STIM2: variants seen among roughly 807,000 people sequenced by gnomAD.
STIM2 encodes the protein stromal interaction molecule 2.
A neutral mutation model predicts 85.8 loss-of-function variants in STIM2; 31 were observed. That is an observed-to-expected ratio of 0.36 (90% CI 0.27 to 0.49). The LOEUF (loss-of-function observed/expected upper bound fraction) is 0.49, where lower values mean the gene tolerates loss of function less well. STIM2 is among the 20% of genes least tolerant of loss of function. The pLI, the probability that STIM2 is intolerant of heterozygous loss-of-function variation, is 0.98. For synonymous variants in STIM2, 356 were observed against 331.1 expected (o/e 1.08, Z -0.82); for missense variants, 841 against 927.6 (o/e 0.91, Z 1.21).
At chr4:27,018,125 C>A in intron 11 of STIM2, 141 bp downstream of exon 11, 4 of 1,252,616 alleles carry the variant, frequency 3.2e-6, no homozygotes, top group Non-Finnish European at 4.5e-6. Context: ...CCTCAGACAT[C>A]ACCCATTTTT....
At chr4:26,961,332 T>TA (rs568507041) in intron 3 of STIM2, among the ~76,000 whole-genome samples, 60 of 152,320 alleles carry the variant, frequency 3.9e-4, no homozygotes, top group African/African-American at 1.4e-3. Context: ...ATCCATTTGA[T>TA]AATTACTTGG....
At chr4:26,862,587 A>C (rs1378008809) in intron 1 of STIM2, among the ~76,000 whole-genome samples, 1 of 152,212 alleles carries the variant, frequency 6.6e-6, no homozygotes, top group African/African-American at 2.4e-5. Flanking sequence ...GTAAACTTTA[A>C]AAGCTTTGGA....
intron 3 of STIM2, among the ~76,000 whole-genome samples, chr4:26,982,728 C>G (rs1727445863): frequency 6.6e-6 from 1 of 152,114 alleles, no homozygotes; most frequent in Non-Finnish European, 1.5e-5. Context: ...TATTGTTGTT[C>G]CCAGACCTCA....
At chr4:27,017,423 T>C (rs990267733) in intron 10 of STIM2, among the ~76,000 whole-genome samples, 18 of 152,222 alleles carry the variant, frequency 1.2e-4, no homozygotes, top group Admixed American at 3.9e-4. Context: ...TTTGTTGTCT[T>C]AGGTAAATTT....
At chr4:26,871,150 TA>T (rs1722596773) in intron 1 of STIM2, among the ~76,000 whole-genome samples, 1 of 152,226 alleles carries the variant, frequency 6.6e-6, no homozygotes, top group Non-Finnish European at 1.5e-5. Context: ...ATGTGGGATT[TA>T]AATTTTTGCC....
intron 3 of STIM2, among the ~76,000 whole-genome samples, chr4:26,976,124 G>A (rs7676952): frequency 1.2e-3 from 179 of 152,286 alleles, no homozygotes; most frequent in African/African-American, 4.1e-3. Flanking sequence ...ATTTGGGCGG[G>A]AGTGTTCCGA....
chr4:26,930,122 C>T (rs968862113), intron 2 of STIM2, among the ~76,000 whole-genome samples: 1 of 152,114 alleles, frequency 6.6e-6, no homozygotes. Flanking sequence ...TCAATGTGTG[C>T]AGAATCTGTG....
chr4:26,912,971 C>T (rs1724397467), intron 1 of STIM2, among the ~76,000 whole-genome samples: 1 of 152,124 alleles, frequency 6.6e-6, no homozygotes, highest in Non-Finnish European at 1.5e-5. Flanking sequence ...CCACAACACC[C>T]CCGCCATTGA....
Position 27,002,935 on chromosome 4 carries a change from A to C in STIM2, c.812A>C (p.Lys271Thr). ...TTTTATTGTTCTATAAGGCTTGAAA[A>C]GGCACAGGAAGAAAACAGAAATGTT... The change falls in exon 7 of 12, where the codon AAG becomes ACG. Residue 271 changes from lysine to threonine, a missense_variant. Physicochemically the swap from Lys to Thr is moderately conservative, Grantham distance 78 (BLOSUM62 -1). This residue lies in a region of STIM2 where 408 missense variants were observed against 525.4 expected (regional missense o/e 0.78). Coordinates refer to ENST00000467087, the MANE Select transcript of STIM2 (RefSeq NM_020860.4). The C allele has an allele frequency of 6.4e-7, 1 of 1,559,398 alleles. No homozygotes were observed. Among genetic ancestry groups the C allele is most frequent in the Non-Finnish European group, 8.6e-7 (1 of 1,160,994 alleles).
intron 1 of STIM2, among the ~76,000 whole-genome samples, chr4:26,865,760 C>A (rs1266719373): frequency 6.6e-6 from 1 of 151,866 alleles, no homozygotes; most frequent in Non-Finnish European, 1.5e-5. Flanking sequence ...CTGAATTGAT[C>A]AGATTTTATT....
intron 10 of STIM2, among the ~76,000 whole-genome samples, chr4:27,013,537 A>G (rs1728632932): frequency 6.6e-6 from 1 of 151,974 alleles, no homozygotes; most frequent in African/African-American, 2.4e-5. Flanking sequence ...AGAGGCAGCA[A>G]TATAAAGTAG....
At chr4:26,964,773 G>A (rs1726644915) in intron 3 of STIM2, among the ~76,000 whole-genome samples, 1 of 152,166 alleles carries the variant, frequency 6.6e-6, no homozygotes, top group Non-Finnish European at 1.5e-5. Context: ...GTTGGAGAAA[G>A]ATCTTTTAAC....
intron 3 of STIM2, among the ~76,000 whole-genome samples, chr4:26,983,174 A>T (rs1008103422): frequency 2.0e-5 from 3 of 152,242 alleles, no homozygotes; most frequent in African/African-American, 7.2e-5. Context: ...ATCGGAATGC[A>T]CACTATCCAG....
At chr4:26,953,768 CTGTT>C (rs1238599630) in intron 2 of STIM2, among the ~76,000 whole-genome samples, 8 of 152,208 alleles carry the variant, frequency 5.3e-5, no homozygotes, top group East Asian at 1.9e-4. Context: ...TTGGCTTCCT[CTGTT>C]TGCCTTACCA....
chr4:26,943,788 A>G (rs1725709939), intron 2 of STIM2, among the ~76,000 whole-genome samples: 1 of 152,138 alleles, frequency 6.6e-6, no homozygotes, highest in Non-Finnish European at 1.5e-5. Context: ...ATTCAGATTT[A>G]GTACTACAGG....
At chr4:26,938,097 CTTATA>C (rs2109079649) in intron 2 of STIM2, among the ~76,000 whole-genome samples, 1 of 150,508 alleles carries the variant, frequency 6.6e-6, no homozygotes, top group Non-Finnish European at 1.5e-5. Context: ...ATAGCTTTTT[CTTATA>C]TTAAAATAAT....
intron 10 of STIM2, among the ~76,000 whole-genome samples, chr4:27,014,072 T>G (rs1728650020): frequency 6.6e-6 from 1 of 151,976 alleles, no homozygotes; most frequent in Non-Finnish European, 1.5e-5. Flanking sequence ...ATCTTTAAAT[T>G]TTTTTGTTCC....
intron 11 of STIM2, 147 bp downstream of exon 11, chr4:27,018,131 T>C: frequency 2.6e-6 from 3 of 1,174,688 alleles, no homozygotes; most frequent in Non-Finnish European, 3.6e-6. Context: ...ACATCACCCA[T>C]TTTTTAGCTC....
intron 3 of STIM2, among the ~76,000 whole-genome samples, chr4:26,976,292 C>G (rs1727190161): frequency 6.6e-6 from 1 of 151,850 alleles, no homozygotes; most frequent in Admixed American, 6.6e-5. Flanking sequence ...AACCAGGTAC[C>G]TATTGGAAAT....
Sources: gnomAD v4.1 joint callset for allele counts (sites outside exome capture counted in the v4.1 genomes callset) on GRCh38, gnomAD v4.1.1 for gene constraint, gnomAD v4.1.1 regional missense constraint, MANE v1.5 for transcripts, NCBI Gene and HGNC (gene_info 2026-07-23, HGNC 2026-07-21) for gene names.